Variants in FERMT2 observed in about 807,000 individuals in gnomAD.
The protein encoded by FERMT2 is fermitin family homolog 2.
Under a neutral mutation model 82.7 loss-of-function variants are expected in FERMT2, and 15 were observed. That is an observed-to-expected ratio of 0.18 (90% CI 0.12 to 0.28). The LOEUF (loss-of-function observed/expected upper bound fraction) is 0.28. Among genes scored for constraint, FERMT2 ranks in the 10% least tolerant of loss-of-function variants. The probability of loss-of-function intolerance (pLI) is 1.00; values close to 1 mark genes in which losing one functional copy is unlikely to be tolerated. For synonymous variants in FERMT2, 274 were observed against 271.5 expected (o/e 1.01, Z -0.09); for missense variants, 645 against 809.4 (o/e 0.80, Z 2.46).
intron 2 of FERMT2, among the ~76,000 whole-genome samples, chr14:52,926,149 A>AAAAGGAAAATGGTTATCTAT (rs59388902): frequency 6.6e-6 from 1 of 151,932 alleles, no homozygotes; most frequent in East Asian, 1.9e-4. Context: ...TGATGACTTT[A>AAAAGGAAAATGGTTATCTAT]AAATACTTAC....
In FERMT2 at chr14:52,877,574, C is replaced by CTTTTTTTTTTTTTTTTT. The variant is rs34676786; in HGVS notation, c.963+991_963+1007dup. Among the ~76,000 whole-genome samples the CTTTTTTTTTTTTTTTTT allele has an allele frequency of 8.9e-5, 6 of 67,062 alleles. 3 individuals carry two copies. The highest frequency in any genetic ancestry group is 1.2e-4 in the African/African-American group (2 of 16,404). 44.0% of individuals were successfully genotyped at this position (67,062 alleles called of 152,430 possible). A position where few individuals can be genotyped will look rare whatever the true frequency, so the allele number is the denominator to read the frequency against. On this transcript the variant is annotated intron_variant, in intron 7 of 14. Transcript: ENST00000341590. The stretch of plus-strand genomic sequence containing the variant: ...CTAAGGTGAAAATTAGCTGTTCTTG[C>CTTTTTTTTTTTTTTTTT]TTTTTTTTTTTTTTTTTTTTTTTTG...
At chr14:52,869,275 G>A (rs1489931687) in intron 10 of FERMT2, among the ~76,000 whole-genome samples, 2 of 152,076 alleles carry the variant, frequency 1.3e-5, no homozygotes, top group South Asian at 2.1e-4. Context: ...CCAAAATGTG[G>A]GAATAGCAAT....
At chr14:52,891,199 G>T in intron 4 of FERMT2, among the ~76,000 whole-genome samples, 1 of 152,012 alleles carries the variant, frequency 6.6e-6, no homozygotes, top group East Asian at 1.9e-4. Context: ...TTTTTGCAAG[G>T]ATGTTCTTTG....
intron 2 of FERMT2, among the ~76,000 whole-genome samples, chr14:52,948,738 C>T (rs1022717590): frequency 2.0e-5 from 3 of 152,074 alleles, no homozygotes; most frequent in African/African-American, 7.2e-5. Context: ...ATATAGAAAC[C>T]ATTATTTATT....
chr14:52,859,594 A>G lies in FERMT2; in HGVS notation c.1848T>C (p.Asn616=), dbSNP rs770406738. Reference sequence around the variant, plus strand: ...TTACCATTTTGATTTCCCAGTTGACATTCCACTGTTTCATGTTGCTGAAAC... The same window carrying G: ...TTACCATTTTGATTTCCCAGTTGACGTTCCACTGTTTCATGTTGCTGAAAC... ...TWRFSNMKQW[N]VNWEIKMVTV... Residue 616 remains asparagine, a synonymous_variant, in exon 14 of 15, where the codon AAT becomes AAC. Coordinates refer to ENST00000341590, the MANE Select transcript of FERMT2 (RefSeq NM_006832.3). The G allele has an allele frequency of 6.2e-7, 1 of 1,608,466 alleles. No individual in the cohort carries two copies. Among genetic ancestry groups the G allele is most frequent in the Admixed American group, 1.7e-5 (1 of 59,310 alleles).
chr14:52,924,788 A>G (rs770547212), intron 2 of FERMT2, among the ~76,000 whole-genome samples: 74 of 152,256 alleles, frequency 4.9e-4, no homozygotes, highest in Non-Finnish European at 8.5e-4. Context: ...TGGTAGATAG[A>G]AAGGAAATGG....
rs577113547 is a variant in FERMT2, at chr14:52,922,695, T to C, written c.158-3339A>G. Reference sequence around the variant, plus strand: ...CACAAAATCTAAAGAATTTTTATAATGTGAGGTATGAAAAGGACTACTGGT... The same window carrying C: ...CACAAAATCTAAAGAATTTTTATAACGTGAGGTATGAAAAGGACTACTGGT... On this transcript the variant is annotated intron_variant, in intron 2 of 14. Coordinates refer to ENST00000341590, the MANE Select transcript of FERMT2 (RefSeq NM_006832.3). Among the ~76,000 whole-genome samples the C allele has an allele frequency of 2.0e-5, 3 of 152,266 alleles. No homozygotes were observed. In the East Asian group the frequency reaches 5.8e-4, roughly 29 times the overall value.
chr14:52,947,170 T>C (rs1890394625), intron 2 of FERMT2, among the ~76,000 whole-genome samples: 1 of 152,158 alleles, frequency 6.6e-6, no homozygotes, highest in African/African-American at 2.4e-5. Context: ...GACAAATGTG[T>C]TTTATACTGA....
intron 2 of FERMT2, among the ~76,000 whole-genome samples, chr14:52,936,879 G>A (rs997133623): frequency 5.3e-5 from 8 of 152,076 alleles, no homozygotes; most frequent in Non-Finnish European, 8.8e-5. Flanking sequence ...TTTAGGTCGG[G>A]AGCAGTGGCT....
Position 52,894,886 on chromosome 14 carries a change from TAAA to T in FERMT2, c.392-1462_392-1460del, listed in dbSNP as rs3068971. 8.3e-3 allele frequency among the ~76,000 whole-genome samples: 1,175 copies of T among 140,834 alleles called. 26 individuals are homozygous for T. Among genetic ancestry groups the T allele is most frequent in the African/African-American group, 0.013 (501 of 38,750 alleles). The allele number at this position is 140,834 out of a possible 152,430, so 92.4% of individuals were successfully genotyped here. ...CAAAAAATTGCCCTTTATTTAAAAATAAAAAAAAAAAAAAAACCCCAACCTACC... is the reference window on the plus strand; with the variant it reads ...CAAAAAATTGCCCTTTATTTAAAAATAAAAAAAAAAAAACCCCAACCTACC... On this transcript the variant is annotated intron_variant, in intron 3 of 14. Coordinates refer to ENST00000341590, the MANE Select transcript of FERMT2 (RefSeq NM_006832.3).
intron 2 of FERMT2, among the ~76,000 whole-genome samples, chr14:52,927,169 A>C (rs2139662707): frequency 6.6e-6 from 1 of 152,334 alleles, no homozygotes; most frequent in South Asian, 2.1e-4. Flanking sequence ...TCTAAGGAAC[A>C]GAAGGCTTGG....
intron 2 of FERMT2, among the ~76,000 whole-genome samples, chr14:52,919,655 C>T (rs951350330): frequency 6.6e-6 from 1 of 152,144 alleles, no homozygotes; most frequent in African/African-American, 2.4e-5. Context: ...AAACAGAATC[C>T]TGAGGGCTAG....
At chr14:52,903,280 G>A (rs1594971082) in intron 3 of FERMT2, among the ~76,000 whole-genome samples, 1 of 152,168 alleles carries the variant, frequency 6.6e-6, no homozygotes, top group East Asian at 1.9e-4. Context: ...ACTCATGCCT[G>A]TAATCTCAGC....
At chr14:52,901,140 G>T (rs1445489415) in intron 3 of FERMT2, among the ~76,000 whole-genome samples, 1 of 149,370 alleles carries the variant, frequency 6.7e-6, no homozygotes, top group Non-Finnish European at 1.5e-5. Context: ...AATTAGCTGG[G>T]CGTTGTGGCG....
Position 52,859,645 on chromosome 14 carries a change from G to A in FERMT2, c.1797C>T (p.Ser599=). Residue 599 remains serine, a synonymous_variant, in exon 14 of 15, where the codon AGC becomes AGT. Transcript: ENST00000341590. ...GCCATGTTTTAATTGCATCTCCAGT[G>A]CTGGCATCCATCCGAATCAGTCTGT... ...AYNRLIRMDA[S]TGDAIKTWRF... The A allele has an allele frequency of 6.2e-7, 1 of 1,612,222 alleles. No homozygotes were observed. The highest frequency in any genetic ancestry group is 8.5e-7 in the Non-Finnish European group (1 of 1,179,018).
intron 12 of FERMT2, chr14:52,862,927 C>T (rs557365640): frequency 1.3e-5 from 2 of 152,282 alleles, no homozygotes; most frequent in African/African-American, 2.4e-5. Flanking sequence ...TGGCAGCTCT[C>T]GTTTAAGCTC....
At chr14:52,930,718 T>C (rs947624918) in intron 2 of FERMT2, among the ~76,000 whole-genome samples, 3 of 152,188 alleles carry the variant, frequency 2.0e-5, no homozygotes, top group Non-Finnish European at 2.9e-5. Flanking sequence ...ACGATGACAA[T>C]AGAAGAGTTT....
intron 4 of FERMT2, among the ~76,000 whole-genome samples, chr14:52,887,260 C>T (rs1459133274): frequency 1.3e-5 from 2 of 151,892 alleles, no homozygotes; most frequent in Non-Finnish European, 2.9e-5. Context: ...GCCTCAGCCT[C>T]CCTAGTAGCT....
chr14:52,904,635 T>C (rs73304339), intron 3 of FERMT2, among the ~76,000 whole-genome samples: 3 of 149,166 alleles, frequency 2.0e-5, no homozygotes, highest in Admixed American at 6.7e-5. Flanking sequence ...GGAGGTTGCA[T>C]TGAGCCGAGA....
Sources: allele counts gnomAD v4.1 joint callset (sites outside exome capture counted in the v4.1 genomes callset), GRCh38; gene constraint gnomAD v4.1.1; transcripts MANE v1.5; gene names NCBI Gene and HGNC (gene_info 2026-07-23, HGNC 2026-07-21).